Variants in KCNMA1 observed in about 807,000 individuals in gnomAD.
KCNMA1 encodes Calcium-activated potassium channel subunit alpha-1.
A neutral mutation model predicts 140.0 loss-of-function variants in KCNMA1; 29 were observed. The observed-to-expected ratio is 0.21, with a 90% CI of 0.15 to 0.28. The LOEUF is 0.28. Ranked by LOEUF, KCNMA1 falls within the 10% of genes least tolerant of loss-of-function variation. KCNMA1 has a pLI of 1.00. For missense variants in KCNMA1, 880 were observed against 1,602.2 expected, an observed-to-expected ratio of 0.55 and a Z score of 7.70; for synonymous variants, 612 against 611.9, an observed-to-expected ratio of 1.00 and a Z score of 0.00.
chr10:77,123,221 A>C (rs1564672581), intron 5 of KCNMA1, among the ~76,000 whole-genome samples: 1 of 144,944 alleles, frequency 6.9e-6, no homozygotes, highest in Non-Finnish European at 1.5e-5. Flanking sequence ...AAAAAGTGTT[A>C]AACAGCAATT....
At chr10:77,008,724 C>T (rs2089901349) in intron 18 of KCNMA1, among the ~76,000 whole-genome samples, 1 of 152,190 alleles carries the variant, frequency 6.6e-6, no homozygotes, top group African/African-American at 2.4e-5. Flanking sequence ...GCTCTGCCCT[C>T]ATGGGATCTA....
At chr10:77,468,071 G>C (rs147297433) in intron 1 of KCNMA1, among the ~76,000 whole-genome samples, 22 of 152,168 alleles carry the variant, frequency 1.4e-4, no homozygotes, top group African/African-American at 4.1e-4. Flanking sequence ...GCAGTGGTGC[G>C]ATCTTGGCTT....
downstream of KCNMA1, among the ~76,000 whole-genome samples, chr10:76,881,541 A>T (rs1388227220): frequency 6.6e-6 from 1 of 152,140 alleles, no homozygotes; most frequent in Non-Finnish European, 1.5e-5. Context: ...CTCCATCTGA[A>T]GCTGTTGTGA....
At chr10:77,115,395 T>C (rs2097433156) in intron 6 of KCNMA1, among the ~76,000 whole-genome samples, 1 of 152,230 alleles carries the variant, frequency 6.6e-6, no homozygotes, top group Non-Finnish European at 1.5e-5. Flanking sequence ...CTCCTGCCTG[T>C]ACCTTGTAAG....
At chr10:77,412,017 C>T (rs370516867) in intron 1 of KCNMA1, among the ~76,000 whole-genome samples, 13 of 152,308 alleles carry the variant, frequency 8.5e-5, no homozygotes, top group African/African-American at 2.6e-4. Flanking sequence ...TGAGCTCTGC[C>T]GGGCCTGACG....
chr10:77,054,711 T>A (rs2095485173), intron 14 of KCNMA1, among the ~76,000 whole-genome samples: 1 of 152,246 alleles, frequency 6.6e-6, no homozygotes, highest in South Asian at 2.1e-4. Flanking sequence ...ATGTGGCAGT[T>A]AATGATAAAA....
chr10:77,214,838 T>C (rs2047198567), intron 3 of KCNMA1, among the ~76,000 whole-genome samples: 1 of 152,186 alleles, frequency 6.6e-6, no homozygotes, highest in African/African-American at 2.4e-5. Flanking sequence ...AGCCTCCTCC[T>C]GCTTTACTCA....
chr10:77,479,094 C>A (rs547052303), intron 1 of KCNMA1, among the ~76,000 whole-genome samples: 1 of 152,306 alleles, frequency 6.6e-6, no homozygotes, highest in Non-Finnish European at 1.5e-5. Flanking sequence ...TGCTTCTTTG[C>A]ACTCTGCTGT....
chr10:77,235,229 A>G (rs138366136), intron 3 of KCNMA1, among the ~76,000 whole-genome samples: 134 of 152,284 alleles, frequency 8.8e-4, no homozygotes, highest in African/African-American at 2.7e-3. Flanking sequence ...GCACAATTAT[A>G]AACTGTCCCT....
At chr10:77,300,096 A>G (rs1345947495) in intron 2 of KCNMA1, among the ~76,000 whole-genome samples, 1 of 152,206 alleles carries the variant, frequency 6.6e-6, no homozygotes, top group African/African-American at 2.4e-5. Flanking sequence ...TTCAAGCCAG[A>G]TTTCATTCCC....
intron 9 of KCNMA1, among the ~76,000 whole-genome samples, chr10:77,098,189 A>G (rs2096986872): frequency 6.6e-6 from 1 of 152,194 alleles, no homozygotes; most frequent in Admixed American, 6.5e-5. Context: ...CCTCAGTCCA[A>G]GTCTTTAAAT....
At chr10:77,532,532 G>A (rs1490904940) in intron 1 of KCNMA1, among the ~76,000 whole-genome samples, 2 of 152,178 alleles carry the variant, frequency 1.3e-5, no homozygotes, top group Non-Finnish European at 2.9e-5. Context: ...TAAGCCTGGA[G>A]AATACCTCCC....
At chr10:77,019,173 C>T in intron 16 of KCNMA1, 74 bp from the exon 17 acceptor site, 3 of 843,938 alleles carry the variant, frequency 3.6e-6, no homozygotes, top group Middle Eastern at 2.4e-4. Context: ...TTGAAGGCTA[C>T]ACCATACTGT....
At chr10:77,004,989 A>G (rs1025829429) in intron 18 of KCNMA1, among the ~76,000 whole-genome samples, 4 of 152,210 alleles carry the variant, frequency 2.6e-5, no homozygotes, top group African/African-American at 9.6e-5. Context: ...CCCTGGCCAC[A>G]CAAAGCATCC....
At chr10:77,341,647 G>C (rs555569582) in intron 2 of KCNMA1, among the ~76,000 whole-genome samples, 107 of 152,350 alleles carry the variant, frequency 7.0e-4, no homozygotes, top group Non-Finnish European at 1.1e-3. Flanking sequence ...TGGTGATGTG[G>C]TCTCCTGCCA....
At chr10:77,012,438 GGTC>G (rs1430712124) in intron 17 of KCNMA1, 21 of 1,549,468 alleles carry the variant, frequency 1.4e-5, no homozygotes, top group Non-Finnish European at 1.7e-5. Flanking sequence ...CCCACAGTCT[GGTC>G]AAATATATAT....
At chr10:77,018,259 T>C (rs1292413283) in intron 17 of KCNMA1, among the ~76,000 whole-genome samples, 2 of 152,202 alleles carry the variant, frequency 1.3e-5, no homozygotes, top group Non-Finnish European at 2.9e-5. Context: ...CAATTAATAA[T>C]GTACTTAAAA....
At position 77,503,601 on chromosome 10, in the gene KCNMA1, T is replaced by C. The variant is rs555687037; in HGVS notation, c.379-99578A>G. 4.6e-5 allele frequency among the ~76,000 whole-genome samples: 7 copies of C among 152,360 alleles called. No homozygotes were observed. In the South Asian group the frequency reaches 1.4e-3, roughly 32 times the overall value. ...TGCCAAATGAATTTCTCAGTGATCCTGAGCAATCCTCTGAAGTCAGCTGTC... is the reference window on the plus strand; with the variant it reads ...TGCCAAATGAATTTCTCAGTGATCCCGAGCAATCCTCTGAAGTCAGCTGTC... On this transcript the variant is annotated intron_variant, in intron 1 of 27. Transcript: ENST00000286628.
intron 23 of KCNMA1, among the ~76,000 whole-genome samples, chr10:76,940,975 AAGAAAGAG>A (rs2061788396): frequency 4.4e-5 from 6 of 136,796 alleles, no homozygotes; most frequent in African/African-American, 1.7e-4. Flanking sequence ...GAAAGAAAGA[AAGAAAGAG>A]AGAAAGAGAG....
Sources: gnomAD v4.1 joint callset for allele counts (sites outside exome capture counted in the v4.1 genomes callset) on GRCh38, gnomAD v4.1.1 for gene constraint, MANE v1.5 for transcripts, NCBI Gene and HGNC (gene_info 2026-07-23, HGNC 2026-07-21) for gene names.